The following RBFOX3 variants were observed in gnomAD, a reference collection of about 807,000 sequenced individuals.
RBFOX3 encodes RNA binding fox-1 homolog 3.
Under a neutral mutation model 48.7 loss-of-function variants are expected in RBFOX3, and 17 were observed. The ratio of observed to expected loss-of-function variants is 0.35; its 90% CI spans 0.24 to 0.52. The LOEUF is 0.52. Among genes scored for constraint, RBFOX3 ranks in the 20% least tolerant of loss-of-function variants. RBFOX3 has a pLI of 0.94. For missense variants in RBFOX3, 382 were observed against 497.5 expected, an observed-to-expected ratio of 0.77 and a Z score of 2.21; for synonymous variants, 212 against 209.5, an observed-to-expected ratio of 1.01 and a Z score of -0.10.
At chr17:79,555,371 T>C (rs1290338976) in intron 1 of RBFOX3, among the ~76,000 whole-genome samples, 1 of 760 alleles carries the variant, frequency 1.3e-3, no homozygotes, top group Non-Finnish European at 3.2e-3. Flanking sequence ...GTGGTGATGA[T>C]GGTAGTTGTG....
chr17:79,654,870 A>C, the RBFOX3 span, among the ~76,000 whole-genome samples: 2 of 152,232 alleles, frequency 1.3e-5, no homozygotes, highest in African/African-American at 4.8e-5. Flanking sequence ...AAGCAACATT[A>C]TGCAAATGCC....
intron 1 of RBFOX3, among the ~76,000 whole-genome samples, chr17:79,491,068 G>C (rs1406079983): frequency 9.1e-5 from 1 of 10,952 alleles, no homozygotes; most frequent in Admixed American, 8.6e-4. Context: ...GGAGGGGAGG[G>C]GAGGGGAGGC....
rs545647262 is a variant in RBFOX3, at chr17:79,138,385, T to C, written c.-33-22637A>G. On this transcript the variant is annotated intron_variant, in intron 4 of 14. Coordinates refer to ENST00000693108, the MANE Select transcript of RBFOX3 (RefSeq NM_001350451.2). ...CACCCGCACGCACACACTCCACACA[T>C]ACACAGTGCACACTCTCATACTGTG... 4.6e-5 allele frequency among the ~76,000 whole-genome samples: 7 copies of C among 152,090 alleles called. No homozygotes were observed. The South Asian group carries it at 1.2e-3, about 27-fold the overall frequency.
chr17:79,532,204 GGA>G (rs1205855384), intron 1 of RBFOX3, among the ~76,000 whole-genome samples: 2 of 152,128 alleles, frequency 1.3e-5, no homozygotes, highest in African/African-American at 4.8e-5. Flanking sequence ...ACTGGAGGGG[GGA>G]GGGGAGGAGG....
intron 2 of RBFOX3, among the ~76,000 whole-genome samples, chr17:79,435,114 C>T (rs549099258): frequency 6.6e-6 from 1 of 152,316 alleles, no homozygotes; most frequent in East Asian, 1.9e-4. Context: ...CAATATCTGG[C>T]TCTGCTGGGT....
chr17:79,517,030 C>T (rs1426105744), intron 1 of RBFOX3, among the ~76,000 whole-genome samples: 2 of 151,992 alleles, frequency 1.3e-5, no homozygotes, highest in South Asian at 2.1e-4. Context: ...AAGATGAGAA[C>T]GTTCTGGAGG....
In RBFOX3 at chr17:79,511,116, A is replaced by T. The variant is rs1026009752; in HGVS notation, c.-319-28518T>A. On this transcript the variant is annotated intron_variant, in intron 1 of 14. Transcript: ENST00000693108. ...TCATCCACGCAGGGGCACCAAGGTCAAGCAGAACAACTGCTTGGCTGGCAG... is the reference window on the plus strand; with the variant it reads ...TCATCCACGCAGGGGCACCAAGGTCTAGCAGAACAACTGCTTGGCTGGCAG... Among the ~76,000 whole-genome samples the T allele has an allele frequency of 5.8e-3, 883 of 152,304 alleles. 17 individuals are homozygous for T. Among genetic ancestry groups the T allele is most frequent in the African/African-American group, 0.02 (850 of 41,566 alleles).
intron 2 of RBFOX3, among the ~76,000 whole-genome samples, chr17:79,398,061 G>A (rs1399116988): frequency 1.3e-5 from 2 of 152,166 alleles, no homozygotes; most frequent in African/African-American, 2.4e-5. Context: ...CTCGGAGCCC[G>A]AACGAGGCTC....
At chr17:79,132,472 G>C (rs2039175689) in intron 4 of RBFOX3, among the ~76,000 whole-genome samples, 1 of 152,232 alleles carries the variant, frequency 6.6e-6, no homozygotes, top group Non-Finnish European at 1.5e-5. Flanking sequence ...GGCGCCACGG[G>C]GGATCAGCAC....
At chr17:79,275,513 C>T (rs2068623605) in intron 3 of RBFOX3, among the ~76,000 whole-genome samples, 1 of 152,188 alleles carries the variant, frequency 6.6e-6, no homozygotes, top group Admixed American at 6.5e-5. Flanking sequence ...ATCCCCAATA[C>T]CTGGAGGGTG....
the RBFOX3 span, among the ~76,000 whole-genome samples, chr17:79,631,816 C>T: frequency 3.9e-5 from 6 of 152,216 alleles, no homozygotes; most frequent in Admixed American, 3.3e-4. Context: ...CCTCAGGCTG[C>T]TCCCCCTGGA....
intron 1 of RBFOX3, among the ~76,000 whole-genome samples, chr17:79,538,694 C>T (rs558219014): frequency 6.6e-6 from 1 of 152,144 alleles, no homozygotes; most frequent in Non-Finnish European, 1.5e-5. Flanking sequence ...AGGATGAGAT[C>T]GGCAGGAAAC....
chr17:79,466,464 T>C (rs2076331885), intron 2 of RBFOX3, among the ~76,000 whole-genome samples: 1 of 152,176 alleles, frequency 6.6e-6, no homozygotes, highest in Admixed American at 6.5e-5. Flanking sequence ...CCTGGCTTTC[T>C]GCAGAGCCCC....
chr17:79,255,215 ATGTGTGCG>A (rs1057277755), intron 3 of RBFOX3, among the ~76,000 whole-genome samples: 16 of 128,700 alleles, frequency 1.2e-4, no homozygotes, highest in Non-Finnish European at 4.9e-5. Flanking sequence ...CTGTGGTCAC[ATGTGTGCG>A]TGTGTGTGTG....
At position 79,212,608 on chromosome 17, in the gene RBFOX3, G is replaced by C. The variant is rs1394203271; in HGVS notation, c.-34+23158C>G. 6.6e-6 allele frequency among the ~76,000 whole-genome samples: 1 copy of C among 152,186 alleles called. No individual in the cohort carries two copies. Among genetic ancestry groups the C allele is most frequent in the Non-Finnish European group, 1.5e-5 (1 of 68,032 alleles). On this transcript the variant is annotated intron_variant, in intron 4 of 14. Coordinates refer to ENST00000693108, the MANE Select transcript of RBFOX3 (RefSeq NM_001350451.2). This position sits in a 1 kb window ranked among gnomAD's most constrained non-coding sequence, Gnocchi z 4.7. ...TTTCACAAGCAAATTCCCAGAGCCTGGTTCTTCCCCAGCCCTGGAGGGCCT... is the reference window on the plus strand; with the variant it reads ...TTTCACAAGCAAATTCCCAGAGCCTCGTTCTTCCCCAGCCCTGGAGGGCCT...
chr17:79,199,872 A>C lies in RBFOX3; in HGVS notation c.-34+35894T>G, dbSNP rs992463684. ...CAGTTTCCTTATCTATAAAATGGGG[A>C]GAAAAGGGCCGGACGTGGTGGCTCA... On this transcript the variant is annotated intron_variant, in intron 4 of 14. Transcript: ENST00000693108. The surrounding 1 kb of genome is among the most constrained non-coding windows in gnomAD (Gnocchi z 5.1). Among the ~76,000 whole-genome samples the C allele has an allele frequency of 1.3e-5, 2 of 152,104 alleles. No homozygotes were observed. Among genetic ancestry groups the C allele is most frequent in the African/African-American group, 4.8e-5 (2 of 41,426 alleles).
At chr17:79,489,701 G>T (rs1228354000) in intron 1 of RBFOX3, among the ~76,000 whole-genome samples, 1 of 152,158 alleles carries the variant, frequency 6.6e-6, no homozygotes, top group African/African-American at 2.4e-5. Context: ...GAGCTTGCCC[G>T]GGGTGCAGTT....
intron 4 of RBFOX3, among the ~76,000 whole-genome samples, chr17:79,135,841 G>C (rs144348858): frequency 1.1e-3 from 162 of 152,342 alleles, no homozygotes; most frequent in African/African-American, 3.5e-3. Context: ...CGAGGTCACA[G>C]AGTCCCTCCC....
At chr17:79,397,134 G>A (rs1228806132) in intron 2 of RBFOX3, among the ~76,000 whole-genome samples, 2 of 152,300 alleles carry the variant, frequency 1.3e-5, no homozygotes, top group East Asian at 3.9e-4. Context: ...CCGCGGACAG[G>A]CAGGATTTCC....
Sources: gnomAD v4.1 joint callset for allele counts (sites outside exome capture counted in the v4.1 genomes callset) on GRCh38, gnomAD v4.1.1 for gene constraint, Gnocchi (gnomAD v3.1) non-coding constraint, MANE v1.5 for transcripts, NCBI Gene and HGNC (gene_info 2026-07-23, HGNC 2026-07-21) for gene names.